Variants in MDFIC observed in about 807,000 individuals in gnomAD.
MDFIC encodes myoD family inhibitor domain-containing protein.
Under a neutral mutation model 23.2 loss-of-function variants are expected in MDFIC, and 17 were observed. That is an observed-to-expected ratio of 0.73 (90% CI 0.50 to 1.10). MDFIC has a LOEUF of 1.10. Among genes scored for constraint, MDFIC ranks in the 50% least tolerant of loss-of-function variants. The pLI, the probability that MDFIC is intolerant of heterozygous loss-of-function variation, is 0.00. For missense variants in MDFIC, 356 were observed against 316.6 expected (o/e 1.12, Z -0.95); for synonymous variants, 120 against 115.2 (o/e 1.04, Z -0.27).
chr7:114,978,173 A>G (rs1793352409), intron 3 of MDFIC, among the ~76,000 whole-genome samples: 2 of 151,914 alleles, frequency 1.3e-5, no homozygotes, highest in African/African-American at 4.8e-5. Flanking sequence ...GCCTGGTCCA[A>G]TGCTGTACTG....
chr7:114,995,454 T>G (rs1390327141), intron 4 of MDFIC, among the ~76,000 whole-genome samples: 1 of 152,190 alleles, frequency 6.6e-6, no homozygotes, highest in African/African-American at 2.4e-5. Context: ...TTCTGCTCTG[T>G]TTTCCCCCCA....
intron 2 of MDFIC, 54 bp from the exon 3 acceptor site, chr7:114,942,221 A>C: frequency 8.6e-7 from 1 of 1,159,864 alleles, no homozygotes. Context: ...ATACTAAAAA[A>C]GGAGAGAAAA....
intron 3 of MDFIC, among the ~76,000 whole-genome samples, chr7:114,970,564 G>A (rs1464058405): frequency 1.3e-5 from 2 of 152,114 alleles, no homozygotes; most frequent in African/African-American, 4.8e-5. Flanking sequence ...GTCACTAGCT[G>A]TACTTCTGCA....
Position 114,924,564 on chromosome 7 carries a change from C to T in MDFIC, c.94+1437C>T, listed in dbSNP as rs181832572. Among the ~76,000 whole-genome samples the T allele has an allele frequency of 9.8e-4, 128 of 130,192 alleles. 1 individual carries two copies. In the Admixed American group the frequency reaches 0.011, roughly 11 times the overall value. The allele number at this position is 130,192 out of a possible 152,430, so 85.4% of individuals were successfully genotyped here. ...GTCATGTGATCTGAACTTAAGAACCCGAAAATCTAGAGTGGCCTGAAGTAC... is the reference window on the plus strand; with the variant it reads ...GTCATGTGATCTGAACTTAAGAACCTGAAAATCTAGAGTGGCCTGAAGTAC... On this transcript the variant is annotated intron_variant, in intron 2 of 4. Coordinates refer to ENST00000393486, the MANE Select transcript of MDFIC (RefSeq NM_001166345.3).
At chr7:114,989,367 G>A (rs1166756423) in intron 4 of MDFIC, among the ~76,000 whole-genome samples, 1 of 152,160 alleles carries the variant, frequency 6.6e-6, no homozygotes, top group African/African-American at 2.4e-5. Flanking sequence ...GTTGTAGAAT[G>A]TGTAAACAGT....
At chr7:114,969,473 A>C (rs1170503617) in intron 3 of MDFIC, among the ~76,000 whole-genome samples, 1 of 152,210 alleles carries the variant, frequency 6.6e-6, no homozygotes, top group Non-Finnish European at 1.5e-5. Flanking sequence ...AGGATCTTGT[A>C]CTGAAGGAAC....
At position 114,973,152 on chromosome 7, in the gene MDFIC, C is replaced by T. The variant is rs1003471206; in HGVS notation, c.218-6354C>T. On this transcript the variant is annotated intron_variant, in intron 3 of 4. Coordinates refer to ENST00000393486, the MANE Select transcript of MDFIC (RefSeq NM_001166345.3). Reference sequence around the variant, plus strand: ...ATATGTGTATATATGTGTATATTCACAGTACATAGTTGTTAATAGGCCTTG... The same window carrying T: ...ATATGTGTATATATGTGTATATTCATAGTACATAGTTGTTAATAGGCCTTG... Among the ~76,000 whole-genome samples the T allele has an allele frequency of 6.0e-5, 9 of 150,834 alleles. No individual in the cohort carries two copies. The East Asian group carries it at 1.6e-3, about 26-fold the overall frequency.
At chr7:115,004,469 C>T (rs527345312) in intron 4 of MDFIC, among the ~76,000 whole-genome samples, 60 of 152,268 alleles carry the variant, frequency 3.9e-4, no homozygotes, top group African/African-American at 1.4e-3. Context: ...AAAAAAAGGA[C>T]AAAAAACGAA....
intron 4 of MDFIC, among the ~76,000 whole-genome samples, chr7:115,000,049 T>C (rs1442350643): frequency 6.6e-6 from 1 of 152,190 alleles, no homozygotes. Context: ...CACATATTTA[T>C]TCTACCTCAA....
At chr7:114,943,098 G>A (rs569391604) in intron 3 of MDFIC, among the ~76,000 whole-genome samples, 1 of 152,204 alleles carries the variant, frequency 6.6e-6, no homozygotes, top group Non-Finnish European at 1.5e-5. Context: ...ACCTGGAAGA[G>A]CATAGGGAGT....
chr7:114,950,414 G>A (rs181050274), intron 3 of MDFIC, among the ~76,000 whole-genome samples: 1 of 152,276 alleles, frequency 6.6e-6, no homozygotes, highest in East Asian at 1.9e-4. Flanking sequence ...TGTGGATATT[G>A]TCCAAAGAGG....
At chr7:114,939,765 T>A (rs1792501697) in intron 2 of MDFIC, among the ~76,000 whole-genome samples, 3 of 152,244 alleles carry the variant, frequency 2.0e-5, no homozygotes, top group Admixed American at 2.0e-4. Flanking sequence ...TAGTCAGCAA[T>A]GCTTCATAAT....
intron 4 of MDFIC, among the ~76,000 whole-genome samples, chr7:114,990,533 G>T (rs1376747641): frequency 6.6e-6 from 1 of 152,146 alleles, no homozygotes; most frequent in South Asian, 2.1e-4. Flanking sequence ...AGTGTGTGAT[G>T]TTTCCCTTCC....
intron 3 of MDFIC, among the ~76,000 whole-genome samples, chr7:114,978,510 T>G (rs1793357437): frequency 6.6e-6 from 1 of 152,100 alleles, no homozygotes; most frequent in South Asian, 2.1e-4. Context: ...ATCTTTTGTT[T>G]GTTTGTTGGC....
chr7:115,005,991 G>A (rs1180667399), intron 4 of MDFIC, among the ~76,000 whole-genome samples: 3 of 152,074 alleles, frequency 2.0e-5, no homozygotes, highest in East Asian at 1.9e-4. Flanking sequence ...TGCTTGCTTC[G>A]CTTCATCTTG....
chr7:114,996,872 C>T (rs972009450), intron 4 of MDFIC, among the ~76,000 whole-genome samples: 7 of 152,056 alleles, frequency 4.6e-5, no homozygotes. Context: ...AAAACTAAGC[C>T]CTGGGCCATT....
intron 4 of MDFIC, among the ~76,000 whole-genome samples, chr7:115,012,266 A>G (rs182653951): frequency 1.7e-3 from 265 of 152,358 alleles, no homozygotes; most frequent in Non-Finnish European, 2.6e-4. Flanking sequence ...AGGGAAAAAC[A>G]TGAACATGCT....
intron 3 of MDFIC, among the ~76,000 whole-genome samples, chr7:114,978,189 G>A (rs1793352651): frequency 6.6e-6 from 1 of 151,708 alleles, no homozygotes; most frequent in East Asian, 1.9e-4. Context: ...TACTGCTTTA[G>A]GTGCTGTGAT....
chr7:114,969,587 T>C (rs1793168227), intron 3 of MDFIC, among the ~76,000 whole-genome samples: 1 of 152,162 alleles, frequency 6.6e-6, no homozygotes, highest in African/African-American at 2.4e-5. Flanking sequence ...AGGGTTCATG[T>C]CAGTAAATTG....
Sources: allele counts gnomAD v4.1 joint callset (sites outside exome capture counted in the v4.1 genomes callset), GRCh38; gene constraint gnomAD v4.1.1; transcripts MANE v1.5; gene names NCBI Gene and HGNC (gene_info 2026-07-23, HGNC 2026-07-21).